The following UROC1 variants were observed in gnomAD, a reference collection of about 807,000 sequenced individuals.
UROC1 encodes urocanate hydratase 1.
In UROC1, 79 loss-of-function variants were observed where a neutral mutation model predicts 89.5. The ratio of observed to expected loss-of-function variants is 0.88; its 90% CI spans 0.74 to 1.06. The LOEUF is 1.06. Ranked by LOEUF, UROC1 falls within the 50% of genes least tolerant of loss-of-function variation. The pLI is 0.00. For synonymous variants in UROC1, 361 were observed against 354.8 expected, an observed-to-expected ratio of 1.02 and a Z score of -0.20; for missense variants, 885 against 907.8, an observed-to-expected ratio of 0.97 and a Z score of 0.32.
At position 126,492,470 on chromosome 3, in the gene UROC1, C is replaced by A; in HGVS notation, c.1556G>T (p.Arg519Leu). Residue 519 changes from arginine to leucine, a missense_variant, in exon 16 of 20, where the codon CGC becomes CTC. Transcript: ENST00000290868. ...GTTAATGGCCACAGCGATGGCCACG[C>A]GGCCCTTCTGGTCTGAGTACAGGAT... Reference protein sequence around the residue: ...ARILYSDQKGRVAIAVAINQA... With the variant: ...ARILYSDQKGLVAIAVAINQA... The A allele has an allele frequency of 6.2e-7, 1 of 1,613,550 alleles. No homozygotes were observed. The highest frequency in any genetic ancestry group is 8.5e-7 in the Non-Finnish European group (1 of 1,179,988).
intron 18 of UROC1, 70 bp downstream of exon 18, chr3:126,488,128 T>G: frequency 6.4e-7 from 1 of 1,558,318 alleles, no homozygotes; most frequent in Non-Finnish European, 8.9e-7. Flanking sequence ...AACCTCAGCC[T>G]GGCCCTGCCC....
chr3:126,517,543 C>G, intron 1 of UROC1, 51 bp downstream of exon 1: 1 of 1,612,242 alleles, frequency 6.2e-7, no homozygotes. Flanking sequence ...TATGGACCAC[C>G]TGGAGGATGC....
intron 18 of UROC1, 69 bp from the exon 19 acceptor site, chr3:126,483,537 A>G: frequency 6.8e-7 from 1 of 1,466,394 alleles, no homozygotes; most frequent in Admixed American, 1.8e-5. Flanking sequence ...GCAGAAGCCC[A>G]TGTTTTGGAA....
At chr3:126,514,184 T>A (rs1936251809) in intron 1 of UROC1, among the ~76,000 whole-genome samples, 1 of 152,242 alleles carries the variant, frequency 6.6e-6, no homozygotes, top group South Asian at 2.1e-4. Context: ...CATCTGCTGC[T>A]GTCACTGGAG....
At chr3:126,503,381 G>C (rs1398935033) in intron 9 of UROC1, among the ~76,000 whole-genome samples, 1 of 152,218 alleles carries the variant, frequency 6.6e-6, no homozygotes, top group African/African-American at 2.4e-5. Context: ...AATTAATTGA[G>C]AGGATGCTTC....
At chr3:126,501,363 A>G (rs1576722542) in intron 9 of UROC1, 83 bp from the exon 10 acceptor site, 1 of 1,541,560 alleles carries the variant, frequency 6.5e-7, no homozygotes, top group Non-Finnish European at 8.9e-7. Context: ...AGCTGCACAC[A>G]GGGGCAGACC....
At chr3:126,492,800 G>T (rs1008588486) in intron 15 of UROC1, among the ~76,000 whole-genome samples, 2 of 152,134 alleles carry the variant, frequency 1.3e-5, no homozygotes, top group Non-Finnish European at 2.9e-5. Flanking sequence ...TCCCCAGAGG[G>T]GCCTTGGAGC....
intron 8 of UROC1, 42 bp from the exon 9 acceptor site, chr3:126,504,125 C>T (rs756188070): frequency 8.7e-6 from 14 of 1,602,368 alleles, no homozygotes; most frequent in Middle Eastern, 1.7e-4. Context: ...TGGGGCCACC[C>T]GGTTACAAAT....
chr3:126,515,564 C>T (rs1181600445), intron 1 of UROC1, among the ~76,000 whole-genome samples: 15 of 126,376 alleles, frequency 1.2e-4, no homozygotes, highest in Middle Eastern at 3.8e-3. Flanking sequence ...CTACCCCCTT[C>T]CACTCCCCAG....
Position 126,482,256 on chromosome 3 carries a change from G to A in UROC1, c.*89C>T. On this transcript the variant is annotated 3_prime_UTR_variant, in exon 20 of 20. Transcript: ENST00000290868. ...AGGATGTGCGAGAAGTGCAGGTAGT[G>A]CGGGTGTGCAGGAAGGGTGTGTGCC... 1 of 1,568,164 alleles carries A rather than the reference G, an allele frequency of 6.4e-7. No homozygotes were observed. Among genetic ancestry groups the A allele is most frequent in the Non-Finnish European group, 8.7e-7 (1 of 1,148,438 alleles).
At chr3:126,515,143 C>CG (rs1330100533) in intron 1 of UROC1, among the ~76,000 whole-genome samples, 1 of 151,570 alleles carries the variant, frequency 6.6e-6, no homozygotes, top group East Asian at 1.9e-4. Context: ...CAAGACACCC[C>CG]GGGAGCTGAT....
chr3:126,502,647 CACTCTG>C, intron 9 of UROC1, among the ~76,000 whole-genome samples: 1 of 147,504 alleles, frequency 6.8e-6, no homozygotes, highest in East Asian at 2.1e-4. Flanking sequence ...TGCATGTGTG[CACTCTG>C]TGTGTGCCTG....
intron 15 of UROC1, among the ~76,000 whole-genome samples, chr3:126,495,813 G>A (rs1167751838): frequency 6.6e-6 from 1 of 152,292 alleles, no homozygotes; most frequent in East Asian, 1.9e-4. Flanking sequence ...CCCTTTAAAG[G>A]TCCCCGGCTT....
intron 9 of UROC1, chr3:126,501,857 C>A (rs759647555): frequency 6.3e-6 from 10 of 1,599,344 alleles, no homozygotes; most frequent in Middle Eastern, 1.6e-4. Flanking sequence ...CCCAGGGGTG[C>A]AAGGTTGACA....
At chr3:126,491,243 C>T (rs1353452615) in intron 16 of UROC1, among the ~76,000 whole-genome samples, 7 of 152,220 alleles carry the variant, frequency 4.6e-5, no homozygotes, top group African/African-American at 1.4e-4. Context: ...CACGCCGCTC[C>T]TCATCCTCTG....
In UROC1 at chr3:126,500,715, G is replaced by T. The variant is rs776489085; in HGVS notation, c.1125C>A (p.Phe375Leu). ...AGCACCTTTCCTGGACCAGGTCCTT[G>T]AACACAGCAGGGTTGGAGGCCATGA... ...QSLMASNPAV[F>L]KDLVQESLRR... is the part of the protein sequence containing the mutation. Residue 375 changes from phenylalanine to leucine, a missense_variant, in exon 11 of 20, where the codon TTC becomes TTA. Phe to Leu is a conservative substitution (Grantham distance 22, BLOSUM62 0). Transcript: ENST00000290868. 6.2e-7 allele frequency: 1 copy of T among 1,614,152 alleles called. No individual in the cohort carries two copies. Among genetic ancestry groups the T allele is most frequent in the Non-Finnish European group, 8.5e-7 (1 of 1,180,026 alleles).
At chr3:126,501,756 G>A (rs1935927550) in intron 9 of UROC1, 1 of 1,590,400 alleles carries the variant, frequency 6.3e-7, no homozygotes, top group Non-Finnish European at 8.5e-7. Flanking sequence ...GCAATGCACA[G>A]GGAAGGTGGT....
At chr3:126,489,446 A>G in intron 16 of UROC1, 71 bp from the exon 17 acceptor site, 2 of 1,294,208 alleles carry the variant, frequency 1.5e-6, no homozygotes, top group African/African-American at 1.4e-5. Flanking sequence ...ACTGAGGACA[A>G]GGGGCAGGTC....
chr3:126,509,196 A>T (rs958202307), intron 3 of UROC1, among the ~76,000 whole-genome samples: 6 of 151,298 alleles, frequency 4.0e-5, no homozygotes, highest in Non-Finnish European at 7.4e-5. Context: ...AGATCAAGCC[A>T]CTATACTCCA....
Sources: gnomAD v4.1 joint callset for allele counts (sites outside exome capture counted in the v4.1 genomes callset) on GRCh38, gnomAD v4.1.1 for gene constraint, MANE v1.5 for transcripts, NCBI Gene and HGNC (gene_info 2026-07-23, HGNC 2026-07-21) for gene names.